MYRIP: variants seen among roughly 807,000 people sequenced by gnomAD.
The protein encoded by MYRIP is rab effector MyRIP.
MYRIP carries 49 observed loss-of-function variants against 98.0 expected under a neutral mutation model. The ratio of observed to expected loss-of-function variants is 0.50; its 90% CI spans 0.40 to 0.63. The LOEUF (loss-of-function observed/expected upper bound fraction) is 0.63, where lower values mean the gene tolerates loss of function less well. Among genes scored for constraint, MYRIP ranks in the 30% least tolerant of loss-of-function variants. The pLI, the probability that MYRIP is intolerant of heterozygous loss-of-function variation, is 0.00. For synonymous variants in MYRIP, 404 were observed against 409.5 expected, an observed-to-expected ratio of 0.99 and a Z score of 0.16; for missense variants, 1,004 against 1,058.2, an observed-to-expected ratio of 0.95 and a Z score of 0.71.
chr3:39,929,258 C>T (rs755885834), intron 2 of MYRIP, among the ~76,000 whole-genome samples: 12 of 151,962 alleles, frequency 7.9e-5, no homozygotes, highest in Non-Finnish European at 1.8e-4. Context: ...AATGGAGAGA[C>T]ATACAGTGTT....
At chr3:39,925,242 A>T (rs1575384231) in intron 2 of MYRIP, among the ~76,000 whole-genome samples, 1 of 152,244 alleles carries the variant, frequency 6.6e-6, no homozygotes, top group East Asian at 1.9e-4. Flanking sequence ...ACAAATTGTC[A>T]GTATCACCGA....
At chr3:39,879,080 T>TTA (rs1943095701) in intron 1 of MYRIP, among the ~76,000 whole-genome samples, 1 of 150,816 alleles carries the variant, frequency 6.6e-6, no homozygotes, top group African/African-American at 2.4e-5. Context: ...AATAATAATT[T>TTA]TATATATATC....
intron 10 of MYRIP, among the ~76,000 whole-genome samples, chr3:40,200,079 G>A (rs1951510032): frequency 9.9e-6 from 1 of 101,204 alleles, no homozygotes; most frequent in African/African-American, 2.9e-5. Flanking sequence ...CAGAGAACAT[G>A]TCTAGAAAAT....
chr3:39,957,051 A>G (rs1292694921), intron 2 of MYRIP, among the ~76,000 whole-genome samples: 1 of 151,802 alleles, frequency 6.6e-6, no homozygotes, highest in Non-Finnish European at 1.5e-5. Context: ...CCTACCAACC[A>G]AAAAAAGTCC....
At chr3:40,253,405 A>C (rs761440979) in intron 16 of MYRIP, among the ~76,000 whole-genome samples, 1 of 152,212 alleles carries the variant, frequency 6.6e-6, no homozygotes, top group Non-Finnish European at 1.5e-5. Flanking sequence ...TTAATCAGTG[A>C]AATTGACCTA....
intron 2 of MYRIP, 43 bp downstream of exon 2, chr3:39,900,969 G>A (rs1943728574): frequency 1.4e-6 from 2 of 1,450,312 alleles, no homozygotes; most frequent in Non-Finnish European, 9.6e-7. Flanking sequence ...CAAACCACAT[G>A]TGGACAAGCG....
At chr3:40,112,639 T>C (rs561148066) in intron 3 of MYRIP, among the ~76,000 whole-genome samples, 6 of 152,184 alleles carry the variant, frequency 3.9e-5, no homozygotes, top group Non-Finnish European at 8.8e-5. Flanking sequence ...AAAGAAGTCA[T>C]AGATGTCAGA....
In MYRIP at chr3:40,133,777, A is replaced by G. The variant is rs1575564044; in HGVS notation, c.333-17271A>G. On this transcript the variant is annotated intron_variant, in intron 3 of 16. Coordinates refer to ENST00000302541, the MANE Select transcript of MYRIP (RefSeq NM_015460.4). ...TATGTTTTGAATTTTGTTTGGTCGT[A>G]CTGTGGAATGTTTCTGACATTCTCA... Among the ~76,000 whole-genome samples the G allele has an allele frequency of 2.6e-5, 4 of 152,326 alleles. No individual in the cohort carries two copies. In the South Asian group the frequency reaches 6.2e-4, roughly 24 times the overall value.
At chr3:39,865,889 T>C (rs1942605864) in intron 1 of MYRIP, among the ~76,000 whole-genome samples, 1 of 152,188 alleles carries the variant, frequency 6.6e-6, no homozygotes, top group African/African-American at 2.4e-5. Flanking sequence ...ATTGCGGTAC[T>C]GTCCATAATA....
chr3:40,037,638 G>T (rs1159772709), intron 2 of MYRIP, among the ~76,000 whole-genome samples: 2 of 151,920 alleles, frequency 1.3e-5, no homozygotes, highest in Non-Finnish European at 2.9e-5. Context: ...CCAGCTTATT[G>T]TCACAGGTAT....
chr3:40,144,828 A>T (rs1949978225), intron 3 of MYRIP, among the ~76,000 whole-genome samples: 1 of 152,210 alleles, frequency 6.6e-6, no homozygotes, highest in South Asian at 2.1e-4. Context: ...TTGGAGAGAG[A>T]GAGTCTCTAT....
intron 1 of MYRIP, among the ~76,000 whole-genome samples, chr3:39,835,693 A>G (rs1055534585): frequency 6.6e-6 from 1 of 152,120 alleles, no homozygotes; most frequent in African/African-American, 2.4e-5. Context: ...TGCTGTACCT[A>G]TCAACCTGTT....
chr3:40,065,156 C>G (rs1475777863), intron 3 of MYRIP, among the ~76,000 whole-genome samples: 2 of 152,144 alleles, frequency 1.3e-5, no homozygotes, highest in Non-Finnish European at 2.9e-5. Flanking sequence ...GGTTTGACAA[C>G]CTTTGGTGCT....
rs573359807 is a variant in MYRIP, at chr3:40,201,315, T to C, written c.1666-8539T>C. On this transcript the variant is annotated intron_variant, in intron 10 of 16. Transcript: ENST00000302541. The stretch of plus-strand genomic sequence containing the variant: ...TAGTCTAATTCCATCAGATAGGAGA[T>C]TAGTAATGAGAAAACACACAGAGGA... 3.3e-5 allele frequency among the ~76,000 whole-genome samples: 5 copies of C among 152,202 alleles called. No homozygotes were observed. The South Asian group carries it at 6.2e-4, about 19-fold the overall frequency.
intron 3 of MYRIP, among the ~76,000 whole-genome samples, chr3:40,079,431 C>T (rs950637066): frequency 5.3e-5 from 8 of 152,196 alleles, no homozygotes; most frequent in Admixed American, 2.0e-4. Context: ...TCATCAGGGA[C>T]AGTTGCCGTT....
chr3:40,152,853 A>G lies in MYRIP; in HGVS notation c.469+1669A>G, dbSNP rs1950148599. Among the ~76,000 whole-genome samples, 4 of 152,016 alleles carry G rather than the reference A, an allele frequency of 2.6e-5. No homozygotes were observed. In the South Asian group the frequency reaches 8.3e-4, roughly 32 times the overall value. Reference sequence around the variant, plus strand: ...TTTGTGGGGCCAGGCATGGTGGCTTATGCTTGGAATCCCAATACTTTGGGA... The same window carrying G: ...TTTGTGGGGCCAGGCATGGTGGCTTGTGCTTGGAATCCCAATACTTTGGGA... On this transcript the variant is annotated intron_variant, in intron 4 of 16. Transcript: ENST00000302541.
In MYRIP at chr3:40,250,432, T is replaced by A. The variant is rs1402951845; in HGVS notation, c.2368-7T>A. 6.2e-7 allele frequency: 1 copy of A among 1,614,068 alleles called. No individual in the cohort carries two copies. Among genetic ancestry groups the A allele is most frequent in the Non-Finnish European group, 8.5e-7 (1 of 1,180,014 alleles). ...AAGGTATATTGCTCATTGTGTTCTG[T>A]TTGTAGGTACAAACCATAGATACAT... is the stretch of plus-strand genomic sequence containing the variant. On this transcript the variant is annotated splice_region_variant and splice_polypyrimidine_tract_variant and intron_variant, in intron 14 of 16. Transcript: ENST00000302541.
chr3:40,151,011 A>G, intron 3 of MYRIP, 37 bp from the exon 4 acceptor site: 1 of 1,506,646 alleles, frequency 6.6e-7, no homozygotes, highest in Non-Finnish European at 9.0e-7. Context: ...CCATTTAATA[A>G]TTCTAATTTT....
At chr3:40,035,239 A>AG (rs1159874298) in intron 2 of MYRIP, among the ~76,000 whole-genome samples, 1 of 151,678 alleles carries the variant, frequency 6.6e-6, no homozygotes, top group East Asian at 1.9e-4. Context: ...AATTTTAAAA[A>AG]TTAAAAAAAA....
Sources: allele counts gnomAD v4.1 joint callset (sites outside exome capture counted in the v4.1 genomes callset), GRCh38; gene constraint gnomAD v4.1.1; transcripts MANE v1.5; gene names NCBI Gene and HGNC (gene_info 2026-07-23, HGNC 2026-07-21).